The following ZNF678 variants were observed in gnomAD, a reference collection of about 807,000 sequenced individuals.
The protein encoded by ZNF678 is hypothetical protein MGC42493.
Under a neutral mutation model 3.0 loss-of-function variants are expected in ZNF678, and 5 were observed. The observed-to-expected ratio is 1.69, with a 90% confidence interval of 0.88 to 3.56. The LOEUF (loss-of-function observed/expected upper bound fraction) is 3.56, where lower values mean the gene tolerates loss of function less well. Ranked by LOEUF, ZNF678 falls within the 30% of genes most tolerant of loss-of-function variation. ZNF678 has a pLI of 0.00. For missense variants in ZNF678, 593 were observed against 605.0 expected, an observed-to-expected ratio of 0.98 and a Z score of 0.21; for synonymous variants, 218 against 199.6, an observed-to-expected ratio of 1.09 and a Z score of -0.78.
rs565788771 is a variant in ZNF678 at position 227,569,768 on chromosome 1, G to T, written c.-164+6044G>T. ...GACTTTTTTTCTTCTTTTCAATTTT[G>T]ATCTTCTACGTTTTCTTGCTTAATT... On this transcript the variant is annotated intron_variant, in intron 1 of 3. Transcript: ENST00000343776. 1.6e-4 allele frequency among the ~76,000 whole-genome samples: 24 copies of T among 151,664 alleles called. No individual in the cohort carries two copies. The South Asian group carries it at 5.0e-3, about 32-fold the overall frequency.
chr1:227,616,394 T>C (rs917108744), intron 1 of ZNF678, among the ~76,000 whole-genome samples: 1 of 152,244 alleles, frequency 6.6e-6, no homozygotes. Context: ...CATTCCCTGA[T>C]ACTGTCCCAG....
At chr1:227,615,944 C>G (rs920240967) in intron 1 of ZNF678, among the ~76,000 whole-genome samples, 5 of 152,170 alleles carry the variant, frequency 3.3e-5, no homozygotes, top group Non-Finnish European at 4.4e-5. Flanking sequence ...ATTTTTCAGG[C>G]AACACGGGAC....
intron 1 of ZNF678, among the ~76,000 whole-genome samples, chr1:227,619,398 G>A (rs1658217561): frequency 6.6e-6 from 1 of 152,208 alleles, no homozygotes; most frequent in South Asian, 2.1e-4. Flanking sequence ...GGGCCCCTGA[G>A]TCTTGCAGCT....
At chr1:227,585,468 A>G (rs960139655) in intron 1 of ZNF678, among the ~76,000 whole-genome samples, 1 of 152,232 alleles carries the variant, frequency 6.6e-6, no homozygotes, top group African/African-American at 2.4e-5. Flanking sequence ...TGTTAGAAAT[A>G]GAAAACAAAA....
At chr1:227,632,018 T>G (rs545670353) in intron 1 of ZNF678, among the ~76,000 whole-genome samples, 1 of 152,310 alleles carries the variant, frequency 6.6e-6, no homozygotes, top group African/African-American at 2.4e-5. Flanking sequence ...GAGATTGTAT[T>G]GCAGAGGGGT....
intron 2 of ZNF678, among the ~76,000 whole-genome samples, chr1:227,649,249 C>T (rs554418328): frequency 6.6e-6 from 1 of 152,234 alleles, no homozygotes; most frequent in South Asian, 2.1e-4. Context: ...TTTTATGATA[C>T]TTGTATCTTT....
In ZNF678 at chr1:227,572,841, C is replaced by T. The variant is rs1057434669; in HGVS notation, c.-164+9117C>T. On this transcript the variant is annotated intron_variant, in intron 1 of 3. Transcript: ENST00000343776. ...CAGCTCTGGCAACAGAGGACATTTC[C>T]GGTGTTAGAGATTCTCAGTGTCTGG... Among the ~76,000 whole-genome samples, 4 of 152,212 alleles carry T rather than the reference C, an allele frequency of 2.6e-5. No individual in the cohort carries two copies. In the South Asian group the frequency reaches 6.2e-4, roughly 24 times the overall value.
chr1:227,611,962 G>A (rs575040188), intron 1 of ZNF678, among the ~76,000 whole-genome samples: 1 of 152,308 alleles, frequency 6.6e-6, no homozygotes, highest in African/African-American at 2.4e-5. Context: ...TGGAGTTTCA[G>A]GTGTTTCTGT....
chr1:227,616,260 C>A (rs1658138343), intron 1 of ZNF678, among the ~76,000 whole-genome samples: 1 of 152,164 alleles, frequency 6.6e-6, no homozygotes, highest in Non-Finnish European at 1.5e-5. Context: ...CCTAAACCAT[C>A]AAGCACAATA....
intron 1 of ZNF678, among the ~76,000 whole-genome samples, chr1:227,603,819 A>G (rs1657796878): frequency 6.6e-6 from 1 of 152,200 alleles, no homozygotes; most frequent in Non-Finnish European, 1.5e-5. Flanking sequence ...TAACTCCCCC[A>G]AAACTTAATG....
chr1:227,586,487 G>C (rs756206472), intron 1 of ZNF678, among the ~76,000 whole-genome samples: 14 of 152,096 alleles, frequency 9.2e-5, no homozygotes, highest in Non-Finnish European at 2.1e-4. Context: ...TAGAACAAAA[G>C]TATCCTAACT....
Position 227,651,064 on chromosome 1 carries a change from C to A in ZNF678, c.73C>A (p.Leu25Met). 6.2e-7 allele frequency: 1 copy of A among 1,613,448 alleles called. No homozygotes were observed. The highest frequency in any genetic ancestry group is 8.5e-7 in the Non-Finnish European group (1 of 1,179,632). The change falls in exon 3 of 4, where the codon CTG (leucine) becomes ATG (methionine). Residue 25 changes from leucine to methionine, a missense_variant. Physicochemically the swap from Leu to Met is conservative, Grantham distance 15. Transcript: ENST00000343776. ...GANTSTSFYK[L>M]VYTAILSYSI... ...AAACACCTCTACCAGTTTTTATAAA[C>A]TGGTTTATACAGGTAAAGATTTTAT...
At chr1:227,644,319 A>C (rs984704189) in intron 1 of ZNF678, among the ~76,000 whole-genome samples, 5 of 152,188 alleles carry the variant, frequency 3.3e-5, no homozygotes, top group Non-Finnish European at 5.9e-5. Flanking sequence ...TTCCCTGTGT[A>C]ATGCTTTGTA....
chr1:227,639,599 T>G (rs950301409), intron 1 of ZNF678, among the ~76,000 whole-genome samples: 1 of 150,710 alleles, frequency 6.6e-6, no homozygotes, highest in Non-Finnish European at 1.5e-5. Flanking sequence ...CCTTGGGTGA[T>G]TTCTAAAAAT....
intron 1 of ZNF678, among the ~76,000 whole-genome samples, chr1:227,605,874 G>C (rs1467725652): frequency 6.6e-6 from 1 of 152,116 alleles, no homozygotes; most frequent in African/African-American, 2.4e-5. Flanking sequence ...CACAAATTGG[G>C]GAAACTTGTG....
intron 3 of ZNF678, among the ~76,000 whole-genome samples, chr1:227,651,381 G>A (rs979071295): frequency 5.3e-5 from 8 of 152,160 alleles, no homozygotes; most frequent in Non-Finnish European, 1.0e-4. Context: ...AGGTTGGCAA[G>A]ACTGTCCACA....
chr1:227,597,197 G>T (rs920049590), intron 1 of ZNF678, among the ~76,000 whole-genome samples: 5 of 152,190 alleles, frequency 3.3e-5, no homozygotes, highest in African/African-American at 1.2e-4. Flanking sequence ...GATGGGTTTG[G>T]CTAGTTATCT....
chr1:227,598,820 G>A, intron 1 of ZNF678: 1 of 571,928 alleles, frequency 1.7e-6, no homozygotes, highest in Admixed American at 2.5e-5. Context: ...AAGAACTGCT[G>A]GAAGAATTAG....
At chr1:227,613,930 A>G (rs1658083366) in intron 1 of ZNF678, among the ~76,000 whole-genome samples, 1 of 152,356 alleles carries the variant, frequency 6.6e-6, no homozygotes, top group African/African-American at 2.4e-5. Context: ...GACTCTGCTC[A>G]TCCTGCTGAA....
Sources: allele counts gnomAD v4.1 joint callset (sites outside exome capture counted in the v4.1 genomes callset), GRCh38; gene constraint gnomAD v4.1.1; transcripts MANE v1.5; gene names NCBI Gene and HGNC (gene_info 2026-07-23, HGNC 2026-07-21).